CYP2J2: variants seen among roughly 807,000 people sequenced by gnomAD.
CYP2J2 encodes the protein cytochrome P450 family 2 subfamily J member 2.
A neutral mutation model predicts 48.8 loss-of-function variants in CYP2J2; 41 were observed. The ratio of observed to expected loss-of-function variants is 0.84; its 90% CI spans 0.66 to 1.09. CYP2J2 has a LOEUF of 1.09. Ranked by LOEUF, CYP2J2 falls within the 50% of genes least tolerant of loss-of-function variation. CYP2J2 has a pLI of 0.00. For missense variants in CYP2J2, 644 were observed against 617.3 expected, an observed-to-expected ratio of 1.04 and a Z score of -0.46; for synonymous variants, 221 against 227.1, an observed-to-expected ratio of 0.97 and a Z score of 0.24.
the CYP2J2 span, among the ~76,000 whole-genome samples, chr1:59,965,186 C>T: frequency 6.6e-6 from 1 of 152,202 alleles, no homozygotes; most frequent in African/African-American, 2.4e-5. Context: ...TAGGAGTTCA[C>T]TTTTGGTACC....
intron 8 of CYP2J2, among the ~76,000 whole-genome samples, chr1:59,895,453 C>G (rs1166997206): frequency 6.6e-6 from 1 of 152,136 alleles, no homozygotes; most frequent in African/African-American, 2.4e-5. Flanking sequence ...AAGTGCTATA[C>G]AATTGTGATG....
chr1:59,926,844 C>T, upstream of CYP2J2: 4 of 1,088,974 alleles, frequency 3.7e-6, no homozygotes, highest in Non-Finnish European at 2.7e-6. Flanking sequence ...TGCCCCGCCT[C>T]CCAGCCCGCC....
chr1:59,897,410 C>T (rs1033801238), intron 8 of CYP2J2, among the ~76,000 whole-genome samples: 1 of 152,158 alleles, frequency 6.6e-6, no homozygotes, highest in Non-Finnish European at 1.5e-5. Context: ...CTCTCCTAAC[C>T]ATGTTACACG....
chr1:59,928,610 G>A (rs1156631419), upstream of CYP2J2, among the ~76,000 whole-genome samples: 1 of 152,150 alleles, frequency 6.6e-6, no homozygotes, highest in Non-Finnish European at 1.5e-5. Flanking sequence ...CTCTATTCTA[G>A]GCAAGACTGG....
At chr1:59,962,585 A>C in the CYP2J2 span, among the ~76,000 whole-genome samples, 1 of 152,222 alleles carries the variant, frequency 6.6e-6, no homozygotes, top group Admixed American at 6.5e-5. Flanking sequence ...AAAGACAAAA[A>C]ATCTGTAAAA....
chr1:59,960,616 G>T, the CYP2J2 span, among the ~76,000 whole-genome samples: 1 of 152,212 alleles, frequency 6.6e-6, no homozygotes, highest in East Asian at 1.9e-4. Context: ...GCGGAGGCGG[G>T]TGGATCACTT....
chr1:59,938,640 C>T, the CYP2J2 span, among the ~76,000 whole-genome samples: 2 of 152,200 alleles, frequency 1.3e-5, no homozygotes, highest in East Asian at 1.9e-4. Context: ...CGAGACATTC[C>T]GTTCCCAGGG....
At position 59,915,937 on chromosome 1, in the gene CYP2J2, C is replaced by T. The variant is rs1644460810; in HGVS notation, c.373+1G>A. 7 of 1,611,592 alleles carry T rather than the reference C, an allele frequency of 4.3e-6. No individual in the cohort carries two copies. The highest frequency in any genetic ancestry group is 5.9e-6 in the Non-Finnish European group (7 of 1,179,110). ...CACCTTTCGTTGGCCAAGAAACTTACCATTTTTCTTAAAGATATGTTCTCG... is the reference window on the plus strand; with the variant it reads ...CACCTTTCGTTGGCCAAGAAACTTATCATTTTTCTTAAAGATATGTTCTCG... On this transcript the variant is annotated splice_donor_variant, in intron 2 of 8. Transcript: ENST00000371204. LOFTEE classifies it high-confidence loss of function.
chr1:59,917,703 G>A (rs1332909966), intron 1 of CYP2J2, among the ~76,000 whole-genome samples: 1 of 152,198 alleles, frequency 6.6e-6, no homozygotes, highest in Non-Finnish European at 1.5e-5. Context: ...AATGTAGGTT[G>A]GAGGACAGTG....
At chr1:59,922,737 A>C (rs897745931) in intron 1 of CYP2J2, among the ~76,000 whole-genome samples, 1 of 152,250 alleles carries the variant, frequency 6.6e-6, no homozygotes, top group Non-Finnish European at 1.5e-5. Context: ...ACAGACAAAA[A>C]TATCTTTAAG....
chr1:59,949,701 CTT>C, the CYP2J2 span, among the ~76,000 whole-genome samples: 28,596 of 139,806 alleles, frequency 0.2, 2,997 homozygotes, highest in African/African-American at 0.31. Flanking sequence ...TGACTGGAAG[CTT>C]TTTTTTTTTT....
At chr1:59,928,853 G>T (rs930096729), upstream of CYP2J2, among the ~76,000 whole-genome samples, 9 of 152,176 alleles carry the variant, frequency 5.9e-5, no homozygotes, top group African/African-American at 1.9e-4. Flanking sequence ...TAAACCATAG[G>T]CTAACTAGAA....
the CYP2J2 span, among the ~76,000 whole-genome samples, chr1:59,947,849 G>A: frequency 6.6e-6 from 1 of 151,718 alleles, no homozygotes; most frequent in Admixed American, 6.6e-5. Flanking sequence ...CTTGTGGGCT[G>A]GAATGCCCTA....
intron 8 of CYP2J2, 117 bp downstream of exon 8, chr1:59,900,848 T>C (rs934868182): frequency 1.7e-6 from 2 of 1,188,806 alleles, no homozygotes; most frequent in Non-Finnish European, 2.4e-6. Flanking sequence ...ATGGAGTGAG[T>C]CGCACTGGCC....
the CYP2J2 span, among the ~76,000 whole-genome samples, chr1:59,932,915 G>A: frequency 6.6e-6 from 1 of 152,020 alleles, no homozygotes; most frequent in Non-Finnish European, 1.5e-5. Flanking sequence ...TGGCCCAGCT[G>A]GTCTCGAAGT....
At position 59,926,707 on chromosome 1, in the gene CYP2J2, C is replaced by T. The variant is rs141303570; in HGVS notation, c.40G>A (p.Ala14Thr). 1.9e-6 allele frequency: 3 copies of T among 1,613,500 alleles called. No individual in the cohort carries two copies. Residue 14 changes from alanine (A) to threonine (T), a missense_variant, in exon 1 of 9, where the codon GCA (alanine) becomes ACA (threonine). Physicochemically the swap from Ala to Thr is moderately conservative, Grantham distance 58 (BLOSUM62 0). Coordinates refer to ENST00000371204, the MANE Select transcript of CYP2J2 (RefSeq NM_000775.4). ...AGGAGAGTCCGAGGATGGACCACTG[C>T]CCAGAGGGCAGCCGCCAGAGAGCCC... ...AMGSLAAALWAVVHPRTLLLG... is the reference protein window; with the variant it reads ...AMGSLAAALWTVVHPRTLLLG...
chr1:59,896,280 A>T (rs962588379), intron 8 of CYP2J2, among the ~76,000 whole-genome samples: 2 of 149,938 alleles, frequency 1.3e-5, no homozygotes, highest in African/African-American at 5.0e-5. Flanking sequence ...ATATGTCCAA[A>T]AGTGTGTGTG....
At position 59,911,754 on chromosome 1, in the gene CYP2J2, G is replaced by A. The variant is rs749160309; in HGVS notation, c.538C>T (p.Pro180Ser). The A allele has an allele frequency of 1.2e-6, 2 of 1,612,710 alleles. No individual in the cohort carries two copies. The highest frequency in any genetic ancestry group is 1.3e-5 in the African/African-American group (1 of 74,842). Reference protein sequence around the residue: ...IKEENGQPFDPHFKINNAVSN... With the variant: ...IKEENGQPFDSHFKINNAVSN... ...ACTGCATTGTTGATCTTGAAATGAG[G>A]GTCAAAAGGCTGTCCTGAAGGTGGA... The change falls in exon 4 of 9, where the codon CCT becomes TCT. Residue 180 changes from proline to serine, a missense_variant. Physicochemically the swap from Pro to Ser is moderately conservative, Grantham distance 74. Coordinates refer to ENST00000371204, the MANE Select transcript of CYP2J2 (RefSeq NM_000775.4).
chr1:59,932,811 G>A, the CYP2J2 span, among the ~76,000 whole-genome samples: 1 of 150,504 alleles, frequency 6.6e-6, no homozygotes, highest in South Asian at 2.1e-4. Flanking sequence ...AGCAATTCTT[G>A]TGCCTCAGCC....
Sources: allele counts gnomAD v4.1 joint callset (sites outside exome capture counted in the v4.1 genomes callset), GRCh38; gene constraint gnomAD v4.1.1; transcripts MANE v1.5; gene names NCBI Gene and HGNC (gene_info 2026-07-23, HGNC 2026-07-21).